Variants in DCC observed in about 807,000 individuals in gnomAD.
The protein encoded by DCC is netrin receptor DCC.
A neutral mutation model predicts 172.5 loss-of-function variants in DCC; 58 were observed. The ratio of observed to expected loss-of-function variants is 0.34; its 90% CI spans 0.27 to 0.42. The LOEUF (loss-of-function observed/expected upper bound fraction) is 0.42, where lower values mean the gene tolerates loss of function less well. Ranked by LOEUF, DCC falls within the 10% of genes least tolerant of loss-of-function variation. The pLI is 1.00. For missense variants in DCC, 1,740 were observed against 1,791.0 expected (o/e 0.97, Z 0.51); for synonymous variants, 709 against 644.5 (o/e 1.10, Z -1.52).
At chr18:52,908,474 T>C (rs184167009) in intron 3 of DCC, among the ~76,000 whole-genome samples, 96 of 152,356 alleles carry the variant, frequency 6.3e-4, no homozygotes, top group African/African-American at 2.1e-3. Context: ...CTGTTGAGTA[T>C]ATCAGATGGG....
At chr18:52,939,685 C>T (rs2040431610) in intron 5 of DCC, among the ~76,000 whole-genome samples, 1 of 152,052 alleles carries the variant, frequency 6.6e-6, no homozygotes, top group South Asian at 2.1e-4. Context: ...TTATTTTTCT[C>T]TCCACTTTAA....
intron 1 of DCC, among the ~76,000 whole-genome samples, chr18:52,398,996 C>T (rs1271330361): frequency 6.6e-6 from 1 of 151,788 alleles, no homozygotes; most frequent in Admixed American, 6.6e-5. Context: ...ATAAATTTGC[C>T]ATTATGTCAA....
chr18:52,407,911 T>G (rs572798655), intron 1 of DCC, among the ~76,000 whole-genome samples: 1 of 152,082 alleles, frequency 6.6e-6, no homozygotes, highest in Non-Finnish European at 1.5e-5. Flanking sequence ...AAAATTCCTT[T>G]AGTTATTTTG....
chr18:53,147,016 G>A (rs1421199936), intron 7 of DCC, among the ~76,000 whole-genome samples: 1 of 152,024 alleles, frequency 6.6e-6, no homozygotes, highest in Non-Finnish European at 1.5e-5. Context: ...GTGACCAGGG[G>A]GAATACTGAC....
intron 2 of DCC, among the ~76,000 whole-genome samples, chr18:52,778,422 C>G (rs947172269): frequency 2.0e-5 from 3 of 152,002 alleles, no homozygotes; most frequent in Admixed American, 6.6e-5. Context: ...ACTCTGTGAA[C>G]CGTTAACATT....
At chr18:53,351,417 ACACACTGTG>A (rs1398962242) in intron 15 of DCC, among the ~76,000 whole-genome samples, 5 of 7,008 alleles carry the variant, frequency 7.1e-4, no homozygotes, top group Admixed American at 3.2e-3. Context: ...ATATATATAT[ACACACTGTG>A]TATATATATA....
At chr18:52,759,356 T>C (rs1255451665) in intron 2 of DCC, among the ~76,000 whole-genome samples, 1 of 152,136 alleles carries the variant, frequency 6.6e-6, no homozygotes, top group East Asian at 1.9e-4. Flanking sequence ...AAATTTACAA[T>C]AGAGAACTTG....
intron 7 of DCC, among the ~76,000 whole-genome samples, chr18:53,099,745 A>G (rs1260139211): frequency 6.6e-6 from 1 of 152,106 alleles, no homozygotes; most frequent in Non-Finnish European, 1.5e-5. Context: ...CTTCAGGGTC[A>G]TAGCAAGAAG....
chr18:52,406,747 G>T (rs1192940352), intron 1 of DCC, among the ~76,000 whole-genome samples: 1 of 152,072 alleles, frequency 6.6e-6, no homozygotes, highest in Non-Finnish European at 1.5e-5. Context: ...TTTACAGTTT[G>T]GGAGGTACCC....
At chr18:52,568,680 G>A (rs1016504393) in intron 1 of DCC, among the ~76,000 whole-genome samples, 10 of 151,834 alleles carry the variant, frequency 6.6e-5, no homozygotes, top group African/African-American at 2.4e-4. Context: ...CACTATGTGT[G>A]TGTGCTTACA....
intron 12 of DCC, among the ~76,000 whole-genome samples, chr18:53,269,020 G>A (rs2056716131): frequency 6.6e-6 from 1 of 152,132 alleles, no homozygotes; most frequent in Admixed American, 6.6e-5. Flanking sequence ...GGTCTCAGCA[G>A]GAAAGGCATC....
chr18:52,576,789 C>T (rs1285849039), intron 1 of DCC, among the ~76,000 whole-genome samples: 1 of 148,496 alleles, frequency 6.7e-6, no homozygotes, highest in African/African-American at 2.5e-5. Flanking sequence ...GAGATTGCGC[C>T]ACTGCACTCC....
rs546902390 is a variant in DCC, at chr18:53,301,307, T to A, written c.1912-4271T>A. On this transcript the variant is annotated intron_variant, in intron 12 of 28. Coordinates refer to ENST00000442544, the MANE Select transcript of DCC (RefSeq NM_005215.4). The stretch of plus-strand genomic sequence containing the variant: ...TTTCTCCATGCTGGTCAGGCTGGTC[T>A]CGAACTCCTGACCACAGGTGATCCA... Among the ~76,000 whole-genome samples the A allele has an allele frequency of 2.0e-5, 3 of 152,100 alleles. No individual in the cohort carries two copies. The South Asian group carries it at 6.2e-4, about 32-fold the overall frequency.
intron 12 of DCC, among the ~76,000 whole-genome samples, chr18:53,302,353 C>T (rs930098355): frequency 3.9e-5 from 6 of 152,120 alleles, no homozygotes; most frequent in African/African-American, 9.7e-5. Context: ...TACTGGTACC[C>T]ATTTCCAATC....
At chr18:53,121,742 A>T (rs1286384819) in intron 7 of DCC, among the ~76,000 whole-genome samples, 1 of 151,892 alleles carries the variant, frequency 6.6e-6, no homozygotes, top group Non-Finnish European at 1.5e-5. Flanking sequence ...GTATTTTTTT[A>T]AATATTAATA....
At chr18:52,648,139 A>G (rs1028296470) in intron 1 of DCC, among the ~76,000 whole-genome samples, 2 of 152,216 alleles carry the variant, frequency 1.3e-5, no homozygotes, top group Admixed American at 6.5e-5. Flanking sequence ...TTAGATATTG[A>G]GGAAGCTAGT....
intron 1 of DCC, among the ~76,000 whole-genome samples, chr18:52,610,168 AAAAAAAAAAAAT>A (rs1466587852): frequency 4.3e-5 from 1 of 23,052 alleles, no homozygotes; most frequent in Non-Finnish European, 7.6e-5. Context: ...AAAAAAAAAA[AAAAAAAAAAAAT>A]ATATATATAT....
chr18:52,907,816 C>A (rs1345794453), intron 3 of DCC, among the ~76,000 whole-genome samples: 1 of 152,158 alleles, frequency 6.6e-6, no homozygotes, highest in African/African-American at 2.4e-5. Flanking sequence ...TGTCCCAGAG[C>A]CTGGCCCATT....
At chr18:52,885,731 T>A (rs966746162) in intron 2 of DCC, among the ~76,000 whole-genome samples, 5 of 151,028 alleles carry the variant, frequency 3.3e-5, no homozygotes, top group Non-Finnish European at 7.4e-5. Flanking sequence ...ACAGAAGGAG[T>A]CTTTCATCAT....
Sources: allele counts gnomAD v4.1 joint callset (sites outside exome capture counted in the v4.1 genomes callset), GRCh38; gene constraint gnomAD v4.1.1; transcripts MANE v1.5; gene names NCBI Gene and HGNC (gene_info 2026-07-23, HGNC 2026-07-21).